SENP6: variants seen among roughly 807,000 people sequenced by gnomAD.
The protein encoded by SENP6 is SUMO specific peptidase 6, also known as sentrin-specific protease 6.
In SENP6, 41 loss-of-function variants were observed where a neutral mutation model predicts 134.5. The ratio of observed to expected loss-of-function variants is 0.30; its 90% CI spans 0.24 to 0.40. The LOEUF is 0.40. Ranked by LOEUF, SENP6 falls within the 10% of genes least tolerant of loss-of-function variation. The probability of loss-of-function intolerance (pLI) is 1.00; values close to 1 mark genes in which losing one functional copy is unlikely to be tolerated. For synonymous variants in SENP6, 395 were observed against 429.8 expected (o/e 0.92, Z 1.00); for missense variants, 1,248 against 1,312.5 (o/e 0.95, Z 0.76).
intron 11 of SENP6, among the ~76,000 whole-genome samples, chr6:75,671,395 T>C (rs1465634612): frequency 6.6e-6 from 1 of 152,204 alleles, no homozygotes; most frequent in African/African-American, 2.4e-5. Context: ...TCTTTCAAAC[T>C]GATATTGTCC....
intron 1 of SENP6, among the ~76,000 whole-genome samples, chr6:75,613,724 C>A (rs1767636301): frequency 6.6e-6 from 1 of 151,360 alleles, no homozygotes; most frequent in Non-Finnish European, 1.5e-5. Context: ...ACCGTAATTA[C>A]TTTATTGTGT....
intron 19 of SENP6, among the ~76,000 whole-genome samples, chr6:75,708,058 C>T (rs1366953947): frequency 6.6e-6 from 1 of 152,070 alleles, no homozygotes; most frequent in African/African-American, 2.4e-5. Context: ...ATTTATGTAT[C>T]TTTTCTCTTC....
intron 1 of SENP6, among the ~76,000 whole-genome samples, chr6:75,605,825 T>G (rs945622959): frequency 6.6e-6 from 1 of 150,656 alleles, no homozygotes; most frequent in Middle Eastern, 3.2e-3. Flanking sequence ...TTTGTGGAAT[T>G]AATTAGGGGG....
At chr6:75,612,754 A>C (rs760753742) in intron 1 of SENP6, among the ~76,000 whole-genome samples, 20 of 152,188 alleles carry the variant, frequency 1.3e-4, no homozygotes, top group Non-Finnish European at 2.5e-4. Context: ...ATTGAACTTG[A>C]AAATGCACAT....
At chr6:75,664,174 C>A (rs1267686742) in intron 9 of SENP6, among the ~76,000 whole-genome samples, 1 of 151,436 alleles carries the variant, frequency 6.6e-6, no homozygotes, top group Non-Finnish European at 1.5e-5. Flanking sequence ...CAGTGGTGTC[C>A]CAACTACTCA....
chr6:75,680,350 T>G (rs1361394366), intron 16 of SENP6, among the ~76,000 whole-genome samples: 2 of 152,180 alleles, frequency 1.3e-5, no homozygotes, highest in African/African-American at 4.8e-5. Flanking sequence ...AATAAGCAGT[T>G]GAGCAAATGG....
In SENP6 at chr6:75,689,014, C is replaced by T. The variant is rs185383681; in HGVS notation, c.2076-6790C>T. ...CCAGGAGGTGGAGGTTGCGGGGAGCCGAGATCATGCCATTGAACTCCAGCC... is the reference window on the plus strand; with the variant it reads ...CCAGGAGGTGGAGGTTGCGGGGAGCTGAGATCATGCCATTGAACTCCAGCC... On this transcript the variant is annotated intron_variant, in intron 16 of 23. Coordinates refer to ENST00000447266, the MANE Select transcript of SENP6 (RefSeq NM_015571.4). Among the ~76,000 whole-genome samples, 468 of 152,160 alleles carry T rather than the reference C, an allele frequency of 3.1e-3. 1 individual carries two copies. Among genetic ancestry groups the T allele is most frequent in the Admixed American group, 5.0e-3 (77 of 15,266 alleles).
At position 75,702,899 on chromosome 6, in the gene SENP6, C is replaced by G. The variant is rs750845120; in HGVS notation, c.2543C>G (p.Pro848Arg). ...AATCCTGGGCAGGAAGAAAGTGACCCTCGTTATAAGAGAAACATATGCAGT... is the reference window on the plus strand; with the variant it reads ...AATCCTGGGCAGGAAGAAAGTGACCGTCGTTATAAGAGAAACATATGCAGT... ...DSNPGQEESD[P>R]RYKRNICSVK... Residue 848 changes from proline (P) to arginine (R), a missense_variant, in exon 19 of 24, where the codon CCT (proline) becomes CGT (arginine). Transcript: ENST00000447266. The G allele has an allele frequency of 3.7e-5, 59 of 1,613,858 alleles. No homozygotes were observed. The highest frequency in any genetic ancestry group is 4.8e-5 in the Non-Finnish European group (57 of 1,179,994).
At chr6:75,632,712 C>T (rs1047269136) in intron 3 of SENP6, among the ~76,000 whole-genome samples, 3 of 151,970 alleles carry the variant, frequency 2.0e-5, no homozygotes, top group Admixed American at 6.6e-5. Context: ...TGGGGTAGGG[C>T]GGTGGATTTA....
intron 6 of SENP6, among the ~76,000 whole-genome samples, chr6:75,641,795 T>C (rs947116395): frequency 1.3e-5 from 2 of 151,938 alleles, no homozygotes; most frequent in Non-Finnish European, 2.9e-5. Flanking sequence ...CTTGGCAACA[T>C]AGGAAGGCCC....
chr6:75,620,082 CAAAA>C (rs10526946), intron 1 of SENP6, among the ~76,000 whole-genome samples: 4 of 127,830 alleles, frequency 3.1e-5, no homozygotes, highest in Non-Finnish European at 5.0e-5. Flanking sequence ...TACCTTGCCT[CAAAA>C]AAAAAAAAAA....
At chr6:75,625,969 A>G (rs1349082513) in intron 3 of SENP6, among the ~76,000 whole-genome samples, 1 of 152,216 alleles carries the variant, frequency 6.6e-6, no homozygotes, top group Non-Finnish European at 1.5e-5. Flanking sequence ...TTACTAATAA[A>G]ATGATTTTCA....
Position 75,713,498 on chromosome 6 carries a change from AT to A in SENP6, c.2910-10del. On this transcript the variant is annotated splice_polypyrimidine_tract_variant and intron_variant, in intron 21 of 23. Transcript: ENST00000447266. ...ATTATGAAGTATTCGACTTTTGGTCATTTTTACCCTGCAGACCTTGTATCCT... is the reference window on the plus strand; with the variant it reads ...ATTATGAAGTATTCGACTTTTGGTCATTTTACCCTGCAGACCTTGTATCCT... 6.2e-7 allele frequency: 1 copy of A among 1,604,604 alleles called. No individual in the cohort carries two copies. Among genetic ancestry groups the A allele is most frequent in the Non-Finnish European group, 8.5e-7 (1 of 1,175,836 alleles).
chr6:75,709,763 AGTTTGAGTTCAGCCTGG>A, intron 20 of SENP6, 133 bp downstream of exon 20: 1 of 524,276 alleles, frequency 1.9e-6, no homozygotes, highest in Non-Finnish European at 3.4e-6. Flanking sequence ...TGAGCCTAGG[AGTTTGAGTTCAGCCTGG>A]GCAACATAAG....
intron 8 of SENP6, among the ~76,000 whole-genome samples, chr6:75,662,371 A>G (rs977281036): frequency 6.6e-6 from 1 of 152,134 alleles, no homozygotes; most frequent in African/African-American, 2.4e-5. Context: ...TTGGCCCTAA[A>G]GAGTCCTACT....
In SENP6 at chr6:75,634,808, A is replaced by C; in HGVS notation, c.455A>C (p.Gln152Pro). 2 of 1,585,414 alleles carry C rather than the reference A, an allele frequency of 1.3e-6. No individual in the cohort carries two copies. Among genetic ancestry groups the C allele is most frequent in the Non-Finnish European group, 1.7e-6 (2 of 1,163,912 alleles). The part of the protein sequence containing the change: ...AQIPVVKTAA[Q>P]SSLDRKERKE... ...ATACCAGTAGTAAAAACAGCAGCCC[A>C]AAGGTAAGAATTCTAATTGTCTTTG... Residue 152 changes from glutamine (Q) to proline (P), a missense_variant, in exon 5 of 24, where the codon CAA (glutamine) becomes CCA (proline). Gln to Pro is a moderately conservative substitution (Grantham distance 76, BLOSUM62 -1). Around this residue, in one of 3 missense-constraint regions of SENP6, gnomAD observed 733 missense variants for 725.4 expected, o/e 1.01. Coordinates refer to ENST00000447266, the MANE Select transcript of SENP6 (RefSeq NM_015571.4).
At chr6:75,704,300 G>T (rs1775241489) in intron 19 of SENP6, among the ~76,000 whole-genome samples, 1 of 152,198 alleles carries the variant, frequency 6.6e-6, no homozygotes, top group South Asian at 2.1e-4. Flanking sequence ...AATGCCGTAG[G>T]AGAGCAAGGT....
In SENP6 at chr6:75,702,751, G is replaced by C; in HGVS notation, c.2395G>C (p.Val799Leu). 1 of 1,614,046 alleles carries C rather than the reference G, an allele frequency of 6.2e-7. No homozygotes were observed. The highest frequency in any genetic ancestry group is 8.5e-7 in the Non-Finnish European group (1 of 1,179,968). ...ENAVIQKCST[V>L]EDSCISSSAS... ...TGCTGTCATACAGAAATGTTCAACTGTAGAGGACAGTTGTATTTCTTCTTC... is the reference window on the plus strand; with the variant it reads ...TGCTGTCATACAGAAATGTTCAACTCTAGAGGACAGTTGTATTTCTTCTTC... Residue 799 changes from valine to leucine, a missense_variant, in exon 19 of 24, where the codon GTA becomes CTA. Val to Leu is a conservative substitution (Grantham distance 32, BLOSUM62 1). Transcript: ENST00000447266.
intron 19 of SENP6, among the ~76,000 whole-genome samples, chr6:75,703,319 A>AAAGAATTT (rs1775170998): frequency 6.6e-6 from 1 of 152,164 alleles, no homozygotes; most frequent in South Asian, 2.1e-4. Context: ...GAAAATTTTT[A>AAAGAATTT]AAGAATTTAC....
Sources: allele counts gnomAD v4.1 joint callset (sites outside exome capture counted in the v4.1 genomes callset), GRCh38; gene constraint gnomAD v4.1.1; regional missense constraint gnomAD v4.1.1; transcripts MANE v1.5; gene names NCBI Gene and HGNC (gene_info 2026-07-23, HGNC 2026-07-21).